SETBP1: variants seen among roughly 807,000 people sequenced by gnomAD.
SETBP1 encodes the protein SET-binding protein.
In SETBP1, 9 loss-of-function variants were observed where a neutral mutation model predicts 101.0. That is an observed-to-expected ratio of 0.09 (90% CI 0.05 to 0.16). The LOEUF is 0.16. Among genes scored for constraint, SETBP1 ranks in the 10% least tolerant of loss-of-function variants. SETBP1 has a pLI of 1.00. For missense variants in SETBP1, 1,858 were observed against 2,033.8 expected (o/e 0.91, Z 1.66); for synonymous variants, 818 against 788.5 (o/e 1.04, Z -0.63).
At chr18:44,815,301 G>A (rs1180148648) in intron 2 of SETBP1, among the ~76,000 whole-genome samples, 5 of 152,230 alleles carry the variant, frequency 3.3e-5, no homozygotes, top group Non-Finnish European at 7.3e-5. Context: ...AACCCATCTG[G>A]ACTTTAGGAC....
chr18:44,887,583 T>C (rs2144766176), intron 3 of SETBP1, among the ~76,000 whole-genome samples: 1 of 152,278 alleles, frequency 6.6e-6, no homozygotes, highest in African/African-American at 2.4e-5. Flanking sequence ...CTTTTCTCTG[T>C]TCTCAACTAA....
At chr18:44,908,009 T>C (rs1465314160) in intron 3 of SETBP1, among the ~76,000 whole-genome samples, 1 of 152,122 alleles carries the variant, frequency 6.6e-6, no homozygotes, top group Admixed American at 6.5e-5. Flanking sequence ...ATTTGGTGTA[T>C]TGTAGAAAGC....
At chr18:44,943,910 T>C (rs1243526928) in intron 3 of SETBP1, among the ~76,000 whole-genome samples, 2 of 151,468 alleles carry the variant, frequency 1.3e-5, no homozygotes, top group African/African-American at 4.9e-5. Context: ...TCTCAGCTCA[T>C]GGCAACCTCC....
intron 2 of SETBP1, among the ~76,000 whole-genome samples, chr18:44,756,111 G>T (rs778837298): frequency 6.6e-6 from 1 of 151,934 alleles, no homozygotes; most frequent in Non-Finnish European, 1.5e-5. Context: ...CAGCTACTCC[G>T]GAGGGTGAGG....
chr18:44,710,111 T>C (rs1343007664), intron 2 of SETBP1, among the ~76,000 whole-genome samples: 1 of 152,156 alleles, frequency 6.6e-6, no homozygotes, highest in Non-Finnish European at 1.5e-5. Flanking sequence ...GACCCGCAGT[T>C]ATATTTCCTT....
At chr18:44,896,730 T>A (rs1202289399) in intron 3 of SETBP1, among the ~76,000 whole-genome samples, 1 of 152,174 alleles carries the variant, frequency 6.6e-6, no homozygotes, top group Non-Finnish European at 1.5e-5. Flanking sequence ...AGTGCTGGGA[T>A]TACAGGTGTG....
chr18:44,867,975 G>T (rs1056349249), intron 2 of SETBP1, among the ~76,000 whole-genome samples: 1 of 152,110 alleles, frequency 6.6e-6, no homozygotes, highest in East Asian at 1.9e-4. Flanking sequence ...TGCTCTCCAG[G>T]CCTAACAAAG....
chr18:44,795,922 C>G (rs2071466719), intron 2 of SETBP1, among the ~76,000 whole-genome samples: 1 of 152,210 alleles, frequency 6.6e-6, no homozygotes, highest in Admixed American at 6.5e-5. Flanking sequence ...GGTTCCTGTG[C>G]TGTCTTTTTA....
intron 2 of SETBP1, among the ~76,000 whole-genome samples, chr18:44,822,626 A>G (rs1020693614): frequency 1.3e-5 from 2 of 152,204 alleles, no homozygotes; most frequent in African/African-American, 2.4e-5. Context: ...CTATTCACCA[A>G]TTAGCCTCAC....
intron 2 of SETBP1, among the ~76,000 whole-genome samples, chr18:44,795,386 T>C (rs953301597): frequency 1.4e-4 from 21 of 152,180 alleles, no homozygotes; most frequent in African/African-American, 5.1e-4. Flanking sequence ...TTCTTCCTCA[T>C]AGCCTGAGTC....
At chr18:44,990,757 G>A (rs1398064791) in intron 4 of SETBP1, among the ~76,000 whole-genome samples, 1 of 151,884 alleles carries the variant, frequency 6.6e-6, no homozygotes, top group African/African-American at 2.4e-5. Context: ...AAATAATAAT[G>A]TAAATAGGAG....
At chr18:45,043,615 T>C (rs2073554703) in intron 5 of SETBP1, among the ~76,000 whole-genome samples, 1 of 152,214 alleles carries the variant, frequency 6.6e-6, no homozygotes, top group Non-Finnish European at 1.5e-5. Flanking sequence ...TGTTTAAAAC[T>C]ACCAGAGCCC....
chr18:44,793,535 T>C (rs1326471735), intron 2 of SETBP1, among the ~76,000 whole-genome samples: 1 of 152,226 alleles, frequency 6.6e-6, no homozygotes, highest in African/African-American at 2.4e-5. Flanking sequence ...CCAGACATAC[T>C]GAATTAGAGA....
intron 5 of SETBP1, among the ~76,000 whole-genome samples, chr18:45,040,909 G>C (rs965583196): frequency 6.6e-6 from 1 of 152,062 alleles, no homozygotes; most frequent in African/African-American, 2.4e-5. Context: ...CTGGACTTTT[G>C]GGGGGAAATA....
intron 2 of SETBP1, among the ~76,000 whole-genome samples, chr18:44,845,989 G>T (rs540338420): frequency 3.1e-4 from 47 of 152,342 alleles, no homozygotes; most frequent in African/African-American, 1.1e-3. Context: ...CAGAGGGGAA[G>T]GCTGGTGGTG....
intron 5 of SETBP1, among the ~76,000 whole-genome samples, chr18:45,045,149 G>A (rs890324416): frequency 6.6e-6 from 1 of 152,040 alleles, no homozygotes; most frequent in Admixed American, 6.6e-5. Flanking sequence ...TACAGGCCAG[G>A]CACAGTGGCT....
chr18:44,838,284 T>C (rs948634734), intron 2 of SETBP1, among the ~76,000 whole-genome samples: 5 of 152,236 alleles, frequency 3.3e-5, no homozygotes, highest in African/African-American at 7.2e-5. Flanking sequence ...TCCTTTTGTA[T>C]TGATGTTTAG....
chr18:44,797,380 A>G (rs771244720), intron 2 of SETBP1, among the ~76,000 whole-genome samples: 2 of 152,188 alleles, frequency 1.3e-5, no homozygotes, highest in African/African-American at 4.8e-5. Context: ...TCACTCTGTC[A>G]TTACATGTTT....
At chr18:45,038,966 C>A (rs994610048) in intron 5 of SETBP1, among the ~76,000 whole-genome samples, 4 of 152,136 alleles carry the variant, frequency 2.6e-5, no homozygotes, top group African/African-American at 9.7e-5. Context: ...AATTACTAAT[C>A]TCTGCATCAA....
Sources: gnomAD v4.1 joint callset for allele counts (sites outside exome capture counted in the v4.1 genomes callset) on GRCh38, gnomAD v4.1.1 for gene constraint, MANE v1.5 for transcripts, NCBI Gene and HGNC (gene_info 2026-07-23, HGNC 2026-07-21) for gene names.